The following MED13L variants were observed in gnomAD, a reference collection of about 807,000 sequenced individuals.
MED13L encodes mediator complex subunit 13L, also known as mediator of RNA polymerase II transcription subunit 13-like.
A neutral mutation model predicts 220.9 loss-of-function variants in MED13L; 7 were observed. The observed-to-expected ratio is 0.03, with a 90% CI of 0.02 to 0.06. The LOEUF is 0.06. Ranked by LOEUF, MED13L falls within the 10% of genes least tolerant of loss-of-function variation. The pLI, the probability that MED13L is intolerant of heterozygous loss-of-function variation, is 1.00. For synonymous variants in MED13L, 1,011 were observed against 1,015.2 expected, an observed-to-expected ratio of 1.00 and a Z score of 0.08; for missense variants, 1,965 against 2,760.5, an observed-to-expected ratio of 0.71 and a Z score of 6.46.
intron 2 of MED13L, among the ~76,000 whole-genome samples, chr12:116,212,259 A>G (rs1343457290): frequency 1.3e-5 from 2 of 152,230 alleles, no homozygotes; most frequent in Non-Finnish European, 2.9e-5. Flanking sequence ...TAAAATTTTA[A>G]GTTAGTGTAT....
Position 116,013,672 on chromosome 12 carries a change from G to A in MED13L, c.1176-771C>T, listed in dbSNP as rs891423883. Among the ~76,000 whole-genome samples, 8 of 152,158 alleles carry A rather than the reference G, an allele frequency of 5.3e-5. 1 individual carries two copies. The highest frequency in any genetic ancestry group is 2.1e-4 in the South Asian group (1 of 4,834). On this transcript the variant is annotated intron_variant, in intron 8 of 30. Coordinates refer to ENST00000281928, the MANE Select transcript of MED13L (RefSeq NM_015335.5). ...ATGTGAAATAGAAAATAGAAGTATC[G>A]CCTACATATCACTGATAATTGGTAG...
At chr12:115,963,619 C>A (rs143957009) in intron 29 of MED13L, 100 bp from the exon 30 acceptor site, 4 of 868,012 alleles carry the variant, frequency 4.6e-6, no homozygotes, top group East Asian at 5.3e-5. Flanking sequence ...CCCAAAAGTC[C>A]GTAGAAGTCA....
intron 2 of MED13L, among the ~76,000 whole-genome samples, chr12:116,143,503 T>C (rs1877255806): frequency 6.6e-6 from 1 of 152,184 alleles, no homozygotes; most frequent in African/African-American, 2.4e-5. Flanking sequence ...TCCAGAAAGT[T>C]GTTGTGCTAC....
chr12:116,067,401 T>C (rs1354305823), intron 4 of MED13L, among the ~76,000 whole-genome samples: 1 of 152,198 alleles, frequency 6.6e-6, no homozygotes, highest in Admixed American at 6.5e-5. Flanking sequence ...GAGACTCTAA[T>C]ATTCTTCTCC....
chr12:116,216,962 A>T (rs1883036056), intron 2 of MED13L, among the ~76,000 whole-genome samples: 1 of 152,230 alleles, frequency 6.6e-6, no homozygotes, highest in African/African-American at 2.4e-5. Context: ...TAAAGCAAAA[A>T]TCTGTTGTCC....
In MED13L at chr12:115,980,960, A is replaced by T. The variant is rs768911680; in HGVS notation, c.5176-22T>A. 1.3e-5 allele frequency: 21 copies of T among 1,600,340 alleles called. No homozygotes were observed. In the East Asian group the frequency reaches 4.5e-4, roughly 34 times the overall value. ...CAATCTAAAGACACAAATACAAAAA[A>T]AAAACAAAAACCAAAAACCTAGAAA... On this transcript the variant is annotated intron_variant, in intron 22 of 30. Coordinates refer to ENST00000281928, the MANE Select transcript of MED13L (RefSeq NM_015335.5).
rs759007334 is a variant in MED13L, at chr12:116,008,609, C to T, written c.1804G>A (p.Val602Ile). ...LSTLDDRTVL[V>I]GQRLPLMAEV... ...GCCATGAGAGGCAGTCTTTGGCCTA[C>T]GAGGACAGTTCTGTCATCCAGAGTA... The change falls in exon 10 of 31, where the codon GTA becomes ATA. Residue 602 changes from valine to isoleucine, a missense_variant. Val to Ile is a conservative substitution (Grantham distance 29). Transcript: ENST00000281928. 6.8e-6 allele frequency: 11 copies of T among 1,613,956 alleles called. No individual in the cohort carries two copies. Among genetic ancestry groups the T allele is most frequent in the African/African-American group, 4.0e-5 (3 of 74,908 alleles).
intron 1 of MED13L, among the ~76,000 whole-genome samples, chr12:116,268,514 T>C (rs949423906): frequency 1.4e-4 from 21 of 152,130 alleles, no homozygotes; most frequent in Admixed American, 5.2e-4. Context: ...AAATACTTCC[T>C]CATACTCACA....
chr12:116,264,469 T>A (rs1182379516), intron 1 of MED13L, among the ~76,000 whole-genome samples: 5 of 152,216 alleles, frequency 3.3e-5, no homozygotes, highest in Non-Finnish European at 5.9e-5. Flanking sequence ...CTAAAATTTT[T>A]AAAAATTGAT....
At chr12:116,119,697 T>C (rs1387363533) in intron 2 of MED13L, among the ~76,000 whole-genome samples, 1 of 150,288 alleles carries the variant, frequency 6.7e-6, no homozygotes, top group Non-Finnish European at 1.5e-5. Flanking sequence ...CCTAGCTTCC[T>C]GGGAGGCTGA....
intron 2 of MED13L, among the ~76,000 whole-genome samples, chr12:116,221,108 C>CTCATGTGT (rs1409824591): frequency 3.3e-5 from 5 of 151,968 alleles, no homozygotes; most frequent in Non-Finnish European, 7.4e-5. Context: ...GGAGTGGTGG[C>CTCATGTGT]TCATGTGTGT....
At chr12:116,037,959 G>GT (rs560718680) in intron 4 of MED13L, among the ~76,000 whole-genome samples, 146 of 152,200 alleles carry the variant, frequency 9.6e-4, no homozygotes, top group African/African-American at 3.4e-3. Flanking sequence ...GCCAACATAC[G>GT]TAAGATTTGA....
intron 2 of MED13L, among the ~76,000 whole-genome samples, chr12:116,121,452 T>C (rs1208715068): frequency 2.6e-5 from 4 of 151,904 alleles, no homozygotes; most frequent in African/African-American, 9.7e-5. Context: ...CCAGCAGAGA[T>C]CTTGGAAAGA....
intron 4 of MED13L, among the ~76,000 whole-genome samples, chr12:116,034,624 A>G (rs1024907218): frequency 6.6e-6 from 1 of 152,108 alleles, no homozygotes; most frequent in African/African-American, 2.4e-5. Flanking sequence ...CATCCGTTCC[A>G]CTTTCTCCAT....
chr12:116,229,876 C>T (rs946430915), intron 2 of MED13L, among the ~76,000 whole-genome samples: 1 of 152,086 alleles, frequency 6.6e-6, no homozygotes, highest in Non-Finnish European at 1.5e-5. Flanking sequence ...CTTTGGCAAA[C>T]TCATTCTTTC....
At chr12:116,018,964 G>A (rs1001258398) in intron 7 of MED13L, among the ~76,000 whole-genome samples, 1 of 150,708 alleles carries the variant, frequency 6.6e-6, no homozygotes, top group African/African-American at 2.4e-5. Context: ...CACATACAGG[G>A]GCAGATGTGT....
chr12:116,042,085 G>C (rs563125212), intron 4 of MED13L, among the ~76,000 whole-genome samples: 4 of 152,238 alleles, frequency 2.6e-5, no homozygotes, highest in Admixed American at 1.3e-4. Context: ...TCCTCCAATA[G>C]TGGTAAATAT....
intron 2 of MED13L, among the ~76,000 whole-genome samples, chr12:116,188,187 A>T (rs2138253481): frequency 6.6e-6 from 1 of 152,308 alleles, no homozygotes; most frequent in Admixed American, 6.5e-5. Context: ...AAAAGAAATT[A>T]TAAACATAAA....
intron 2 of MED13L, among the ~76,000 whole-genome samples, chr12:116,200,247 C>T (rs1399833473): frequency 1.3e-5 from 2 of 151,802 alleles, no homozygotes; most frequent in African/African-American, 2.4e-5. Context: ...CTTCTTACCC[C>T]AGGAAAAAAG....
Sources: gnomAD v4.1 joint callset for allele counts (sites outside exome capture counted in the v4.1 genomes callset) on GRCh38, gnomAD v4.1.1 for gene constraint, MANE v1.5 for transcripts, NCBI Gene and HGNC (gene_info 2026-07-23, HGNC 2026-07-21) for gene names.